The following CAMK4 variants were observed in gnomAD, a reference collection of about 807,000 sequenced individuals.
CAMK4 encodes calcium/calmodulin-dependent protein kinase type IV.
In CAMK4, 22 loss-of-function variants were observed where a neutral mutation model predicts 44.9. The observed-to-expected ratio is 0.49, with a 90% CI of 0.35 to 0.70. The LOEUF is 0.70. Ranked by LOEUF, CAMK4 falls within the 30% of genes least tolerant of loss-of-function variation. The probability of loss-of-function intolerance (pLI) is 0.01; values close to 1 mark genes in which losing one functional copy is unlikely to be tolerated. For synonymous variants in CAMK4, 218 were observed against 215.4 expected (o/e 1.01, Z -0.11); for missense variants, 498 against 586.8 (o/e 0.85, Z 1.56).
intron 2 of CAMK4, among the ~76,000 whole-genome samples, chr5:111,350,387 GA>G (rs1324824984): frequency 6.6e-6 from 1 of 151,976 alleles, no homozygotes; most frequent in Non-Finnish European, 1.5e-5. Context: ...ACTTCTCTAT[GA>G]ACAAAATTAA....
intron 5 of CAMK4, among the ~76,000 whole-genome samples, chr5:111,409,001 C>T (rs572026028): frequency 6.6e-6 from 1 of 152,328 alleles, no homozygotes; most frequent in African/African-American, 2.4e-5. Context: ...CTCCCAACTG[C>T]TTTCATGGGC....
intron 5 of CAMK4, among the ~76,000 whole-genome samples, chr5:111,420,618 G>A (rs1420012224): frequency 6.6e-6 from 1 of 152,126 alleles, no homozygotes; most frequent in African/African-American, 2.4e-5. Flanking sequence ...TTTCACCCCT[G>A]CAGTCTCGAC....
intron 5 of CAMK4, among the ~76,000 whole-genome samples, chr5:111,406,738 A>T (rs943072947): frequency 6.6e-6 from 1 of 152,150 alleles, no homozygotes; most frequent in Non-Finnish European, 1.5e-5. Context: ...AAAGGTGATT[A>T]AGAAAAGAGG....
intron 2 of CAMK4, among the ~76,000 whole-genome samples, chr5:111,371,116 T>C (rs970349149): frequency 6.6e-6 from 1 of 152,092 alleles, no homozygotes; most frequent in Non-Finnish European, 1.5e-5. Flanking sequence ...ACGAAAGAAC[T>C]TTTAGAGTCT....
Position 111,236,549 on chromosome 5 carries a change from T to G in CAMK4, c.161+11905T>G, listed in dbSNP as rs894078348. On this transcript the variant is annotated intron_variant, in intron 1 of 10. Transcript: ENST00000282356. ...CTGGTTTGTCAGACTTCAGCACTCA[T>G]GCTCTTTTGCTCTACCTGCCTTGGC... Among the ~76,000 whole-genome samples the G allele has an allele frequency of 5.3e-5, 8 of 152,380 alleles. No homozygotes were observed. In the South Asian group the frequency reaches 1.0e-3, roughly 20 times the overall value.
At chr5:111,258,386 G>A (rs186542873) in intron 1 of CAMK4, among the ~76,000 whole-genome samples, 1 of 152,224 alleles carries the variant, frequency 6.6e-6, no homozygotes, top group African/African-American at 2.4e-5. Flanking sequence ...TGCTGATAAA[G>A]ACACACCCAA....
chr5:111,224,240 G>T (rs913568832), upstream of CAMK4: 6 of 379,840 alleles, frequency 1.6e-5, no homozygotes, highest in African/African-American at 6.5e-5. This position sits in a 1 kb window ranked among gnomAD's most constrained non-coding sequence, Gnocchi z 5.7. Context: ...TCTCCTCAGC[G>T]GTGCAGCTAG....
At chr5:111,476,239 TTG>T (rs5870455) in intron 8 of CAMK4, among the ~76,000 whole-genome samples, 63,930 of 132,492 alleles carry the variant, frequency 0.48, 15,857 homozygotes, top group East Asian at 0.74. Flanking sequence ...CTTTGCTTCT[TTG>T]TGTGTGTGTG....
At chr5:111,345,385 T>C (rs1749823525) in intron 2 of CAMK4, among the ~76,000 whole-genome samples, 1 of 151,940 alleles carries the variant, frequency 6.6e-6, no homozygotes, top group African/African-American at 2.4e-5. Context: ...TTTGGAATTT[T>C]CCCTTAATTT....
At chr5:111,333,886 G>A (rs73788805) in intron 1 of CAMK4, among the ~76,000 whole-genome samples, 3,688 of 151,664 alleles carry the variant, frequency 0.024, 153 homozygotes, top group African/African-American at 0.083. Context: ...GACAGTGGCT[G>A]TAGAATAAGC....
chr5:111,417,685 G>C (rs1460503566), intron 5 of CAMK4, among the ~76,000 whole-genome samples: 4 of 152,166 alleles, frequency 2.6e-5, no homozygotes, highest in Non-Finnish European at 5.9e-5. Context: ...TAACAAGTTA[G>C]TATGCCTGTT....
intron 1 of CAMK4, among the ~76,000 whole-genome samples, chr5:111,225,788 A>G (rs1034189422): frequency 1.3e-5 from 2 of 152,242 alleles, no homozygotes; most frequent in African/African-American, 4.8e-5. Flanking sequence ...CTCATTGAAT[A>G]TAGATGTGTA....
At chr5:111,404,562 A>G (rs966338529) in intron 5 of CAMK4, among the ~76,000 whole-genome samples, 4 of 152,208 alleles carry the variant, frequency 2.6e-5, no homozygotes, top group Non-Finnish European at 5.9e-5. Flanking sequence ...GTGGGGATAC[A>G]TGACTTAACT....
At chr5:111,420,795 G>A (rs893220485) in intron 5 of CAMK4, among the ~76,000 whole-genome samples, 3 of 152,160 alleles carry the variant, frequency 2.0e-5, no homozygotes, top group African/African-American at 4.8e-5. Flanking sequence ...GCTCACCGGC[G>A]GTCAGAGTTT....
intron 2 of CAMK4, among the ~76,000 whole-genome samples, chr5:111,355,327 G>C (rs1406870445): frequency 6.6e-6 from 1 of 151,992 alleles, no homozygotes; most frequent in East Asian, 1.9e-4. Flanking sequence ...AGAGAGCAAA[G>C]GTGACAGGGA....
intron 1 of CAMK4, among the ~76,000 whole-genome samples, chr5:111,332,149 A>G (rs1749194220): frequency 6.6e-6 from 1 of 151,516 alleles, no homozygotes. Flanking sequence ...TTACGTATGT[A>G]TACATGTGCC....
intron 5 of CAMK4, among the ~76,000 whole-genome samples, chr5:111,440,991 A>G (rs1753804072): frequency 6.6e-6 from 1 of 152,148 alleles, no homozygotes; most frequent in African/African-American, 2.4e-5. Context: ...AATTCCCACT[A>G]CAATCTGCAA....
intron 5 of CAMK4, among the ~76,000 whole-genome samples, chr5:111,407,282 C>T (rs1379054284): frequency 6.7e-6 from 1 of 149,940 alleles, no homozygotes; most frequent in African/African-American, 2.5e-5. Context: ...ACCTGGGAGG[C>T]GGAGGTTGCA....
At chr5:111,354,184 C>G (rs116686967) in intron 2 of CAMK4, among the ~76,000 whole-genome samples, 1,557 of 151,986 alleles carry the variant, frequency 0.01, 16 homozygotes, top group Non-Finnish European at 0.015. Context: ...ATGCTGGACA[C>G]AAAGTCAAAT....
Sources: gnomAD v4.1 joint callset for allele counts (sites outside exome capture counted in the v4.1 genomes callset) on GRCh38, gnomAD v4.1.1 for gene constraint, Gnocchi (gnomAD v3.1) non-coding constraint, MANE v1.5 for transcripts, NCBI Gene and HGNC (gene_info 2026-07-23, HGNC 2026-07-21) for gene names.